TACC1: variants seen among roughly 807,000 people sequenced by gnomAD.
The protein encoded by TACC1 is transforming acidic coiled-coil-containing protein 1.
In TACC1, 48 loss-of-function variants were observed where a neutral mutation model predicts 84.4. The observed-to-expected ratio is 0.57, with a 90% CI of 0.45 to 0.72. The LOEUF (loss-of-function observed/expected upper bound fraction) is 0.72. Among genes scored for constraint, TACC1 ranks in the 30% least tolerant of loss-of-function variants. The pLI is 0.00. For missense variants in TACC1, 920 were observed against 973.0 expected, an observed-to-expected ratio of 0.95 and a Z score of 0.72; for synonymous variants, 372 against 376.3, an observed-to-expected ratio of 0.99 and a Z score of 0.13.
intron 2 of TACC1, chr8:38,744,803 GT>G (rs951680884): frequency 6.7e-6 from 1 of 149,296 alleles, no homozygotes; most frequent in African/African-American, 2.5e-5. Flanking sequence ...GTGGGGGCGG[GT>G]AATAAAACTG....
At chr8:38,774,715 T>C (rs1412055350) in intron 3 of TACC1, among the ~76,000 whole-genome samples, 1 of 152,040 alleles carries the variant, frequency 6.6e-6, no homozygotes, top group Non-Finnish European at 1.5e-5. Flanking sequence ...GCCTAGGCTA[T>C]AAAAATATTT....
intron 5 of TACC1, among the ~76,000 whole-genome samples, chr8:38,829,754 T>C (rs1828843313): frequency 6.6e-6 from 1 of 152,244 alleles, no homozygotes; most frequent in African/African-American, 2.4e-5. Flanking sequence ...CATACAGTGC[T>C]GTCTTCAAAG....
intron 2 of TACC1, among the ~76,000 whole-genome samples, chr8:38,793,597 T>C (rs952468304): frequency 1.3e-5 from 2 of 152,026 alleles, no homozygotes; most frequent in African/African-American, 2.4e-5. Flanking sequence ...GCCCATCAAG[T>C]TATATATATA....
intron 3 of TACC1, among the ~76,000 whole-genome samples, chr8:38,746,004 A>G (rs908542806): frequency 3.3e-5 from 5 of 152,038 alleles, no homozygotes; most frequent in South Asian, 2.1e-4. Context: ...TTTTGTAGAC[A>G]TGGGGTCTTG....
chr8:38,788,068 C>G (rs1817715452), intron 1 of TACC1: 3 of 338,428 alleles, frequency 8.9e-6, no homozygotes, highest in East Asian at 1.2e-4. Flanking sequence ...CGTCACTGAT[C>G]TAACCCAGTG....
rs552915714 is a variant in TACC1 at position 38,820,521 on chromosome 8, T to C, written c.1277T>C (p.Met426Thr). ...HFDPDNFDES[M>T]DPFKPTTTLT... ...GACCCAGATAACTTTGACGAATCCA[T>C]GGATCCCTTTAAACCAACTACGACC... The change falls in exon 3 of 13, where the codon ATG (methionine) becomes ACG (threonine). Residue 426 changes from methionine to threonine, a missense_variant. Transcript: ENST00000317827. The C allele has an allele frequency of 1.2e-6, 2 of 1,614,242 alleles. No individual in the cohort carries two copies. The highest frequency in any genetic ancestry group is 1.7e-6 in the Non-Finnish European group (2 of 1,180,044).
At chr8:38,738,906 T>C (rs1806519418) in intron 1 of TACC1, among the ~76,000 whole-genome samples, 1 of 152,190 alleles carries the variant, frequency 6.6e-6, no homozygotes, top group African/African-American at 2.4e-5. Flanking sequence ...CTTCTTTTTT[T>C]TGAGACTGAG....
intron 3 of TACC1, among the ~76,000 whole-genome samples, chr8:38,772,664 G>A (rs2151897745): frequency 6.6e-6 from 1 of 152,090 alleles, no homozygotes; most frequent in African/African-American, 2.4e-5. Context: ...AAAACAAGCG[G>A]CATAATGAAT....
chr8:38,786,664 G>C (rs540169551), upstream of TACC1, among the ~76,000 whole-genome samples: 3 of 152,072 alleles, frequency 2.0e-5, no homozygotes, highest in African/African-American at 7.2e-5. Context: ...GTTTGGGGAG[G>C]GGGAGGGCAT....
At chr8:38,773,699 C>T (rs1050509730) in intron 3 of TACC1, among the ~76,000 whole-genome samples, 7 of 151,834 alleles carry the variant, frequency 4.6e-5, no homozygotes, top group African/African-American at 1.7e-4. Flanking sequence ...TTTATTCAGT[C>T]ATCAAATATT....
At chr8:38,803,702 A>AT (rs1821966163) in intron 2 of TACC1, among the ~76,000 whole-genome samples, 1 of 152,210 alleles carries the variant, frequency 6.6e-6, no homozygotes, top group African/African-American at 2.4e-5. Context: ...ATATTCAATA[A>AT]AAGATGCTGG....
chr8:38,764,827 G>C (rs189922558), intron 3 of TACC1, among the ~76,000 whole-genome samples: 1 of 151,958 alleles, frequency 6.6e-6, no homozygotes, highest in Non-Finnish European at 1.5e-5. Context: ...GGCTGGGCAC[G>C]GTGGCTAACA....
At chr8:38,762,484 GTA>G (rs1035590176) in intron 3 of TACC1, among the ~76,000 whole-genome samples, 1 of 151,874 alleles carries the variant, frequency 6.6e-6, no homozygotes, top group Non-Finnish European at 1.5e-5. Context: ...ATTCCATTGT[GTA>G]TATATACCAC....
rs376492927 is a variant in TACC1 at position 38,759,948 on chromosome 8, G to A, written c.26+14455G>A. Among the ~76,000 whole-genome samples, 12 of 152,068 alleles carry A rather than the reference G, an allele frequency of 7.9e-5. No individual in the cohort carries two copies. In the East Asian group the frequency reaches 2.1e-3, roughly 27 times the overall value. On this transcript the variant is annotated intron_variant, in intron 3 of 14. Transcript: ENST00000518415. Reference sequence around the variant, plus strand: ...GTTACCCGGCTACAGACTTCCTGCCGAACATATGGCTGTCATGGATAACGC... The same window carrying A: ...GTTACCCGGCTACAGACTTCCTGCCAAACATATGGCTGTCATGGATAACGC...
chr8:38,749,579 T>G (rs1382801923), intron 3 of TACC1, among the ~76,000 whole-genome samples: 2 of 152,016 alleles, frequency 1.3e-5, no homozygotes, highest in Non-Finnish European at 2.9e-5. Context: ...CAAAGTTTTT[T>G]TTTGTTTGTT....
chr8:38,743,572 T>A (rs913396451), intron 2 of TACC1, among the ~76,000 whole-genome samples: 2 of 152,204 alleles, frequency 1.3e-5, no homozygotes, highest in African/African-American at 4.8e-5. Flanking sequence ...AGAAATACAG[T>A]TCTTCCAGGT....
rs2037204 is a variant in TACC1, at chr8:38,827,335, T to C, written c.1620T>C (p.Pro540=). The C allele has an allele frequency of 0.4, 643,712 of 1,613,914 alleles. 130,753 individuals carry two copies. Among genetic ancestry groups the C allele is most frequent in the Non-Finnish European group, 0.42 (493,952 of 1,179,884 alleles). ...DLEYFECSNV[P]VSTINHAFSS... is the part of the protein sequence containing the mutation. ...AGTACTTTGAATGTTCCAATGTTCCTGTGTCTACCATAAATCATGCGTTTT... is the reference window on the plus strand; with the variant it reads ...AGTACTTTGAATGTTCCAATGTTCCCGTGTCTACCATAAATCATGCGTTTT... The change falls in exon 5 of 13, where the codon CCT becomes CCC. Residue 540 remains proline, a synonymous_variant. Coordinates refer to ENST00000317827, the MANE Select transcript of TACC1 (RefSeq NM_006283.3).
At chr8:38,766,098 C>T (rs930578169) in intron 3 of TACC1, among the ~76,000 whole-genome samples, 1 of 152,076 alleles carries the variant, frequency 6.6e-6, no homozygotes, top group African/African-American at 2.4e-5. Context: ...AATGATGAAC[C>T]ACTGTTCTCT....
intron 3 of TACC1, among the ~76,000 whole-genome samples, chr8:38,749,111 A>G (rs886892326): frequency 2.0e-5 from 3 of 152,192 alleles, no homozygotes; most frequent in Admixed American, 6.5e-5. Flanking sequence ...ATTACTTTGG[A>G]TATTAAAAGA....
Sources: allele counts gnomAD v4.1 joint callset (sites outside exome capture counted in the v4.1 genomes callset), GRCh38; gene constraint gnomAD v4.1.1; transcripts MANE v1.5; gene names NCBI Gene and HGNC (gene_info 2026-07-23, HGNC 2026-07-21).